Variants in ZC3H13 observed in about 807,000 individuals in gnomAD.
ZC3H13 encodes zinc finger CCCH-type containing 13, also known as zinc finger CCCH domain-containing protein 13.
A neutral mutation model predicts 204.1 loss-of-function variants in ZC3H13; 64 were observed. The observed-to-expected ratio is 0.31, with a 90% CI of 0.26 to 0.39. The LOEUF (loss-of-function observed/expected upper bound fraction) is 0.39. Ranked by LOEUF, ZC3H13 falls within the 10% of genes least tolerant of loss-of-function variation. The pLI is 1.00. For synonymous variants in ZC3H13, 667 were observed against 693.7 expected (o/e 0.96, Z 0.60); for missense variants, 1,833 against 2,082.7 (o/e 0.88, Z 2.33).
At chr13:45,994,062 GAAC>G (rs949834864) in intron 8 of ZC3H13, among the ~76,000 whole-genome samples, 14 of 152,180 alleles carry the variant, frequency 9.2e-5, no homozygotes, top group African/African-American at 2.7e-4. Flanking sequence ...GAGACAGCAA[GAAC>G]AACGCCTCCT....
At chr13:46,031,122 C>T (rs931692335) in intron 4 of ZC3H13, among the ~76,000 whole-genome samples, 5 of 152,050 alleles carry the variant, frequency 3.3e-5, no homozygotes, top group Admixed American at 1.3e-4. Context: ...AATAGGCTCC[C>T]ACAAACATAG....
chr13:46,041,656 A>G (rs1593809408), intron 4 of ZC3H13, among the ~76,000 whole-genome samples: 2 of 152,154 alleles, frequency 1.3e-5, no homozygotes. Context: ...TCAATGAACT[A>G]CATTATAAAT....
intron 8 of ZC3H13, among the ~76,000 whole-genome samples, chr13:45,995,184 GGATTAAACTTCC>G (rs930389359): frequency 1.6e-4 from 24 of 152,196 alleles, no homozygotes; most frequent in African/African-American, 5.3e-4. Context: ...TATTGGAATA[GGATTAAACTTCC>G]GAACCACCAG....
At chr13:45,986,173 A>C (rs1954173728) in intron 9 of ZC3H13, among the ~76,000 whole-genome samples, 1 of 152,252 alleles carries the variant, frequency 6.6e-6, no homozygotes, top group South Asian at 2.1e-4. Context: ...AATGTACTTA[A>C]GCACTTTAGG....
rs1470252296 is a variant in ZC3H13 at position 45,981,868 on chromosome 13, T to C, written c.1721-1864A>G. On this transcript the variant is annotated intron_variant, in intron 10 of 18. Transcript: ENST00000679008. ...GAACATCACACTCTGGGGACTGTTG[T>C]GGGGTGGAGGGAGGGGGGAGGGATA... is the stretch of plus-strand genomic sequence containing the variant. 3.9e-5 allele frequency among the ~76,000 whole-genome samples: 3 copies of C among 76,298 alleles called. No individual in the cohort carries two copies. In the East Asian group the frequency reaches 1.2e-3, roughly 31 times the overall value. 50.1% of individuals were successfully genotyped at this position (76,298 alleles called of 152,430 possible).
Position 45,955,380 on chromosome 13 carries a change from C to G in ZC3H13, c.*1747G>C, listed in dbSNP as rs1378613693. ...TGACTGAGTGAACAAAGGAATAGTT[C>G]TAAATTTTCTTTTGCAACATACATA... is the stretch of plus-strand genomic sequence containing the variant. On this transcript the variant is annotated 3_prime_UTR_variant, in exon 19 of 19. Transcript: ENST00000679008. 2 of 152,104 alleles carry G rather than the reference C, an allele frequency of 1.3e-5. No individual in the cohort carries two copies. The highest frequency in any genetic ancestry group is 4.8e-5 in the African/African-American group (2 of 41,444). The allele number at this position is 152,104 out of a possible 1,614,324, so 9.4% of individuals were successfully genotyped here. A position where few individuals can be genotyped will look rare whatever the true frequency, so the allele number is the denominator to read the frequency against.
intron 7 of ZC3H13, among the ~76,000 whole-genome samples, chr13:46,006,435 C>G (rs995225849): frequency 6.6e-6 from 1 of 151,822 alleles, no homozygotes; most frequent in Non-Finnish European, 1.5e-5. Context: ...CTTCTAAATA[C>G]AATATCCTCA....
intron 4 of ZC3H13, among the ~76,000 whole-genome samples, chr13:46,036,817 C>G (rs1486221216): frequency 6.6e-6 from 1 of 152,082 alleles, no homozygotes; most frequent in Non-Finnish European, 1.5e-5. Context: ...CTCCCAGGCT[C>G]AAGTAATTCT....
rs536021701 is a variant in ZC3H13 at position 46,008,760 on chromosome 13, C to A, written c.746+1588G>T. ...AGAGCAAGTGAAGTGGAGCGTATCACTCTCTGTTCATTCAACTTCTTCAAT... is the reference window on the plus strand; with the variant it reads ...AGAGCAAGTGAAGTGGAGCGTATCAATCTCTGTTCATTCAACTTCTTCAAT... On this transcript the variant is annotated intron_variant, in intron 7 of 18. Coordinates refer to ENST00000679008, the MANE Select transcript of ZC3H13 (RefSeq NM_001330564.2). Among the ~76,000 whole-genome samples, 50 of 152,138 alleles carry A rather than the reference C, an allele frequency of 3.3e-4. No individual in the cohort carries two copies. In the South Asian group the frequency reaches 9.7e-3, roughly 30 times the overall value.
At chr13:45,966,020 A>T (rs552323921) in intron 15 of ZC3H13, among the ~76,000 whole-genome samples, 2 of 152,230 alleles carry the variant, frequency 1.3e-5, no homozygotes, top group South Asian at 4.1e-4. Flanking sequence ...GATGAACACA[A>T]TTTTTAGAAA....
chr13:46,032,362 CAAAA>C (rs11323386), intron 4 of ZC3H13, among the ~76,000 whole-genome samples: 1 of 99,662 alleles, frequency 1.0e-5, no homozygotes, highest in African/African-American at 3.5e-5. Context: ...AGAAAAAGAC[CAAAA>C]AAAAAAAAAA....
rs1954086372 is a variant in ZC3H13, at chr13:45,985,426, G to A, written c.1591C>T (p.Arg531Ter). 1.2e-6 allele frequency: 2 copies of A among 1,613,966 alleles called. No individual in the cohort carries two copies. The highest frequency in any genetic ancestry group is 1.7e-6 in the Non-Finnish European group (2 of 1,179,998). Reference protein sequence around the residue: ...TYPEESRSYGRNHLREESSRT... With the variant: ...TYPEESRSYG ...GAACTTTCTTCTCTCAAATGGTTTC[G>A]GCCATAACTCCGGGATTCTTCTGGA... is the stretch of plus-strand genomic sequence containing the variant. The change falls in exon 10 of 19, where the codon CGA becomes TGA. Residue 531 changes from arginine (R) to a stop codon, truncating the protein, a stop_gained. Transcript: ENST00000679008. LOFTEE classifies it high-confidence loss of function.
intron 17 of ZC3H13, chr13:45,962,726 T>C (rs1385726980): frequency 7.1e-6 from 7 of 983,336 alleles, no homozygotes; most frequent in Non-Finnish European, 7.2e-6. Flanking sequence ...TATTTTGTAT[T>C]AGTGAAAAAT....
chr13:46,050,151 G>A (rs978327614), intron 1 of ZC3H13, among the ~76,000 whole-genome samples: 1 of 151,632 alleles, frequency 6.6e-6, no homozygotes, highest in African/African-American at 2.4e-5. Flanking sequence ...AAGAAAATCC[G>A]GGACACAAAG....
chr13:46,046,328 A>G (rs1261522478), intron 1 of ZC3H13, among the ~76,000 whole-genome samples: 1 of 152,118 alleles, frequency 6.6e-6, no homozygotes, highest in Non-Finnish European at 1.5e-5. Flanking sequence ...ATTTTATTTT[A>G]CGTTTAAGCT....
In ZC3H13 at chr13:46,044,998, C is replaced by T; in HGVS notation, c.184G>A (p.Gly62Ser). Residue 62 changes from glycine (G) to serine (S), a missense_variant, in exon 3 of 19, where the codon GGC (glycine) becomes AGC (serine). Gly to Ser is a moderately conservative substitution (Grantham distance 56). Transcript: ENST00000679008. ...LYGNTCRFVH[G>S]PSPRGKGYSS... ...TAACCTTTACCACGAGGTGAAGGGC[C>T]ATGTACGAATCTACATGTGTTTCCA... is the stretch of plus-strand genomic sequence containing the variant. 1 of 1,613,488 alleles carries T rather than the reference C, an allele frequency of 6.2e-7. No individual in the cohort carries two copies.
chr13:46,019,009 T>C (rs2042073119), intron 5 of ZC3H13, among the ~76,000 whole-genome samples: 1 of 152,154 alleles, frequency 6.6e-6, no homozygotes, highest in Admixed American at 6.5e-5. Context: ...CTGCCTTTAT[T>C]GCTATTTTGT....
chr13:45,962,487 C>T, intron 17 of ZC3H13: 1 of 983,956 alleles, frequency 1.0e-6, no homozygotes, highest in Non-Finnish European at 1.2e-6. Flanking sequence ...TTGAGGCTCA[C>T]AGGAGTTATT....
At chr13:46,012,361 A>G (rs1480615879) in intron 5 of ZC3H13, among the ~76,000 whole-genome samples, 1 of 152,180 alleles carries the variant, frequency 6.6e-6, no homozygotes, top group African/African-American at 2.4e-5. Context: ...AATTTCATTG[A>G]CCACGATGGA....
Sources: allele counts gnomAD v4.1 joint callset (sites outside exome capture counted in the v4.1 genomes callset), GRCh38; gene constraint gnomAD v4.1.1; transcripts MANE v1.5; gene names NCBI Gene and HGNC (gene_info 2026-07-23, HGNC 2026-07-21).